TMEM117: variants seen among roughly 807,000 people sequenced by gnomAD.
The protein encoded by TMEM117 is transmembrane protein 117.
TMEM117 carries 27 observed loss-of-function variants against 52.4 expected under a neutral mutation model. The ratio of observed to expected loss-of-function variants is 0.51; its 90% CI spans 0.38 to 0.71. TMEM117 has a LOEUF of 0.71. Ranked by LOEUF, TMEM117 falls within the 30% of genes least tolerant of loss-of-function variation. The pLI, the probability that TMEM117 is intolerant of heterozygous loss-of-function variation, is 0.00. For synonymous variants in TMEM117, 215 were observed against 206.3 expected, an observed-to-expected ratio of 1.04 and a Z score of -0.36; for missense variants, 556 against 630.5, an observed-to-expected ratio of 0.88 and a Z score of 1.26.
chr12:43,811,512 T>C, the TMEM117 span, among the ~76,000 whole-genome samples: 2 of 152,360 alleles, frequency 1.3e-5, no homozygotes, highest in Admixed American at 6.5e-5. Context: ...TAAGCCACAG[T>C]TTATTACAGT....
chr12:43,841,019 CA>C (rs1048137093), intron 1 of TMEM117, among the ~76,000 whole-genome samples: 11 of 152,168 alleles, frequency 7.2e-5, no homozygotes, highest in Non-Finnish European at 1.3e-4. Context: ...ACTAGGCAAA[CA>C]TTTGCAGCCT....
At chr12:44,101,907 T>A (rs956926384) in intron 3 of TMEM117, among the ~76,000 whole-genome samples, 2 of 151,994 alleles carry the variant, frequency 1.3e-5, no homozygotes, top group African/African-American at 4.8e-5. Context: ...AAGGGAAGAT[T>A]GTGATGGTCA....
chr12:44,239,826 GT>G (rs1950040775), intron 5 of TMEM117, among the ~76,000 whole-genome samples: 1 of 151,984 alleles, frequency 6.6e-6, no homozygotes, highest in Non-Finnish European at 1.5e-5. Context: ...AAAAAAGATA[GT>G]TGCTATTTTC....
chr12:44,301,758 G>A (rs547581594), intron 6 of TMEM117, among the ~76,000 whole-genome samples: 8 of 151,156 alleles, frequency 5.3e-5, no homozygotes, highest in South Asian at 2.1e-4. Context: ...CAGGTTTCTC[G>A]TTCAAATGGA....
At chr12:43,875,213 G>A (rs1943773386) in intron 2 of TMEM117, among the ~76,000 whole-genome samples, 1 of 112,212 alleles carries the variant, frequency 8.9e-6, no homozygotes, top group Non-Finnish European at 1.9e-5. Context: ...GAAAAGAATG[G>A]TGGGGAAGTG....
chr12:44,029,744 G>C (rs1287702575), intron 3 of TMEM117, among the ~76,000 whole-genome samples: 1 of 152,188 alleles, frequency 6.6e-6, no homozygotes, highest in Non-Finnish European at 1.5e-5. Context: ...GTCTTTCTGT[G>C]TTCTATAGTG....
intron 4 of TMEM117, among the ~76,000 whole-genome samples, chr12:44,165,070 C>G (rs1948947690): frequency 6.6e-6 from 1 of 152,066 alleles, no homozygotes; most frequent in Non-Finnish European, 1.5e-5. Flanking sequence ...TCACTACCCC[C>G]CTGCCACCGC....
chr12:43,885,286 C>T (rs537532794), intron 2 of TMEM117, among the ~76,000 whole-genome samples: 6 of 152,120 alleles, frequency 3.9e-5, no homozygotes, highest in South Asian at 2.1e-4. Context: ...GATCAGCATG[C>T]CCTGTGCCTG....
At chr12:44,283,255 A>G (rs1460304614) in intron 5 of TMEM117, among the ~76,000 whole-genome samples, 2 of 152,184 alleles carry the variant, frequency 1.3e-5, no homozygotes, top group African/African-American at 4.8e-5. Flanking sequence ...AGCTGTGAGA[A>G]GAGGGCCACC....
intron 2 of TMEM117, among the ~76,000 whole-genome samples, chr12:43,897,798 G>T (rs1944232717): frequency 1.3e-5 from 2 of 151,434 alleles, no homozygotes; most frequent in Non-Finnish European, 2.9e-5. Flanking sequence ...TTTTGCAGAG[G>T]TGAGGTGTCA....
At chr12:44,047,193 A>G (rs1255027805) in intron 3 of TMEM117, among the ~76,000 whole-genome samples, 8 of 152,146 alleles carry the variant, frequency 5.3e-5, no homozygotes, top group Admixed American at 5.2e-4. Context: ...ATATAGTTAT[A>G]TTAGATATCT....
chr12:44,258,670 A>T (rs956128644), intron 5 of TMEM117, among the ~76,000 whole-genome samples: 1 of 152,176 alleles, frequency 6.6e-6, no homozygotes, highest in Non-Finnish European at 1.5e-5. Context: ...AAAGCTTTTC[A>T]CAATTCAATA....
chr12:43,832,582 C>G (rs533129532), upstream of TMEM117, among the ~76,000 whole-genome samples: 5 of 152,292 alleles, frequency 3.3e-5, no homozygotes, highest in East Asian at 9.6e-4. Flanking sequence ...ATTTGTATAA[C>G]TTTATAGCGA....
intron 6 of TMEM117, among the ~76,000 whole-genome samples, chr12:44,303,455 T>C (rs1462330509): frequency 6.6e-6 from 1 of 152,214 alleles, no homozygotes; most frequent in Admixed American, 6.5e-5. Context: ...TGAATACTTT[T>C]AGAGAAAGTA....
At chr12:43,875,888 C>T (rs906462129) in intron 2 of TMEM117, among the ~76,000 whole-genome samples, 2 of 152,110 alleles carry the variant, frequency 1.3e-5, no homozygotes, top group Non-Finnish European at 2.9e-5. Flanking sequence ...GATATGAGTC[C>T]ACAAGCTTCA....
chr12:44,293,737 C>A (rs1950733696), intron 5 of TMEM117, among the ~76,000 whole-genome samples: 4 of 152,090 alleles, frequency 2.6e-5, no homozygotes, highest in Admixed American at 2.6e-4. Flanking sequence ...TCACACCGTG[C>A]ATCTCTTTAT....
intron 3 of TMEM117, among the ~76,000 whole-genome samples, chr12:44,096,381 A>C (rs1947762403): frequency 6.6e-6 from 1 of 152,034 alleles, no homozygotes; most frequent in Non-Finnish European, 1.5e-5. Flanking sequence ...TTCATATGGA[A>C]CCAAAAAAGA....
In TMEM117 at chr12:43,907,559, G is replaced by C. The variant is rs1450518208; in HGVS notation, c.278-36651G>C. 4.7e-5 allele frequency among the ~76,000 whole-genome samples: 7 copies of C among 148,870 alleles called. No homozygotes were observed. The East Asian group carries it at 1.4e-3, about 30-fold the overall frequency. ...GATCAAATTACTCTGAGCTACGGGAGGACATTCAAACCAAAGGCAAAGAAG... is the reference window on the plus strand; with the variant it reads ...GATCAAATTACTCTGAGCTACGGGACGACATTCAAACCAAAGGCAAAGAAG... On this transcript the variant is annotated intron_variant, in intron 2 of 7. Transcript: ENST00000266534.
intron 2 of TMEM117, among the ~76,000 whole-genome samples, chr12:43,850,860 GTGATGA>G (rs35565680): frequency 3.3e-5 from 5 of 151,358 alleles, no homozygotes; most frequent in African/African-American, 1.2e-4. Flanking sequence ...CTTCTGATAG[GTGATGA>G]TGATGGTGAT....
Sources: allele counts gnomAD v4.1 joint callset (sites outside exome capture counted in the v4.1 genomes callset), GRCh38; gene constraint gnomAD v4.1.1; transcripts MANE v1.5; gene names NCBI Gene and HGNC (gene_info 2026-07-23, HGNC 2026-07-21).